Variants in FOXP1 observed in about 807,000 individuals in gnomAD.
The protein encoded by FOXP1 is forkhead box protein P1.
Under a neutral mutation model 98.2 loss-of-function variants are expected in FOXP1, and 15 were observed. The ratio of observed to expected loss-of-function variants is 0.15; its 90% CI spans 0.10 to 0.24. FOXP1 has a LOEUF of 0.24. Among genes scored for constraint, FOXP1 ranks in the 10% least tolerant of loss-of-function variants. The probability of loss-of-function intolerance (pLI) is 1.00; values close to 1 mark genes in which losing one functional copy is unlikely to be tolerated. For synonymous variants in FOXP1, 371 were observed against 314.5 expected (o/e 1.18, Z -1.90); for missense variants, 633 against 848.5 (o/e 0.75, Z 3.15).
intron 3 of FOXP1, among the ~76,000 whole-genome samples, chr3:71,437,844 A>G (rs2085509032): frequency 6.6e-6 from 1 of 152,208 alleles, no homozygotes. Context: ...AGCTGCCTCA[A>G]GAGGACAGGG....
At chr3:71,244,773 CA>C (rs1417558792) in intron 5 of FOXP1, 1 of 151,826 alleles carries the variant, frequency 6.6e-6, no homozygotes, top group African/African-American at 2.4e-5. Flanking sequence ...AAGACCTCCG[CA>C]ATATTTCTTT....
At chr3:71,554,149 A>G (rs2045959794) in intron 2 of FOXP1, among the ~76,000 whole-genome samples, 1 of 152,142 alleles carries the variant, frequency 6.6e-6, no homozygotes, top group Admixed American at 6.5e-5. Flanking sequence ...AGAGTTCAAA[A>G]TCAACCTGGG....
intron 3 of FOXP1, among the ~76,000 whole-genome samples, chr3:71,380,445 A>G (rs759729055): frequency 6.6e-6 from 1 of 152,232 alleles, no homozygotes; most frequent in Admixed American, 6.5e-5. Flanking sequence ...AGCCTAGGCC[A>G]AAGGCTTCCC....
At chr3:71,177,827 C>A (rs368413945) in intron 6 of FOXP1, among the ~76,000 whole-genome samples, 5 of 127,984 alleles carry the variant, frequency 3.9e-5, no homozygotes, top group African/African-American at 9.2e-5. Context: ...AGTTTATTTT[C>A]TTTTCTTTCT....
chr3:71,018,775 AG>A (rs1194407765), intron 11 of FOXP1, among the ~76,000 whole-genome samples: 1 of 152,232 alleles, frequency 6.6e-6, no homozygotes, highest in Non-Finnish European at 1.5e-5. Context: ...AGTCAGGAGT[AG>A]CAGGGAAACT....
At chr3:71,049,994 C>A (rs573670360) in intron 9 of FOXP1, among the ~76,000 whole-genome samples, 1 of 152,302 alleles carries the variant, frequency 6.6e-6, no homozygotes, top group Admixed American at 6.5e-5. Flanking sequence ...TCCTGGGTCA[C>A]CTTTGCCTGG....
intron 11 of FOXP1, among the ~76,000 whole-genome samples, chr3:71,032,778 T>C (rs1392874360): frequency 2.6e-5 from 4 of 151,928 alleles, no homozygotes; most frequent in Non-Finnish European, 4.4e-5. Flanking sequence ...CCAGCATAGG[T>C]CCCCCCTTCA....
intron 3 of FOXP1, 129 bp from the exon 4 acceptor site, chr3:71,359,373 T>C (rs2078391722): frequency 6.6e-6 from 1 of 152,226 alleles, no homozygotes; most frequent in African/African-American, 2.4e-5. Context: ...TATAATCATG[T>C]ATCTAAGCAT....
intron 4 of FOXP1, among the ~76,000 whole-genome samples, chr3:71,331,766 T>C (rs2076330774): frequency 6.6e-6 from 1 of 152,136 alleles, no homozygotes; most frequent in Admixed American, 6.5e-5. Flanking sequence ...AGCTAAGGGA[T>C]TGTAAATACG....
At chr3:70,970,848 ACTG>A (rs2036075549) in intron 18 of FOXP1, 43 bp from the exon 19 acceptor site, 1 of 1,443,160 alleles carries the variant, frequency 6.9e-7, no homozygotes, top group Admixed American at 1.7e-5. Flanking sequence ...AACACAGTCG[ACTG>A]CTGAGTTCCT....
chr3:71,471,175 C>T (rs2089305273), intron 3 of FOXP1, among the ~76,000 whole-genome samples: 1 of 152,074 alleles, frequency 6.6e-6, no homozygotes, highest in African/African-American at 2.4e-5. Flanking sequence ...ATGGTCTGTG[C>T]TCTTATGAGG....
rs138422366 is a variant in FOXP1, at chr3:71,460,050, G to C, written c.-168+33376C>G. 7.7e-3 allele frequency among the ~76,000 whole-genome samples: 1,140 copies of C among 147,998 alleles called. 17 individuals are homozygous for C. The highest frequency in any genetic ancestry group is 0.027 in the African/African-American group (1,097 of 40,186). Reference sequence around the variant, plus strand: ...CCGGGTTCACGCCATTTTCCTGCCTGAGCCTCCCAAGTAGCTGGGACTACA... The same window carrying C: ...CCGGGTTCACGCCATTTTCCTGCCTCAGCCTCCCAAGTAGCTGGGACTACA... On this transcript the variant is annotated intron_variant, in intron 3 of 20. Coordinates refer to ENST00000649528, the MANE Select transcript of FOXP1 (RefSeq NM_001349338.3).
rs78372134 is a variant in FOXP1, at chr3:71,067,476, A to G, written c.283-13703T>C. Among the ~76,000 whole-genome samples, 904 of 152,324 alleles carry G rather than the reference A, an allele frequency of 5.9e-3. 6 individuals are homozygous for G. Among genetic ancestry groups the G allele is most frequent in the African/African-American group, 0.019 (770 of 41,558 alleles). On this transcript the variant is annotated intron_variant, in intron 7 of 20. Coordinates refer to ENST00000649528, the MANE Select transcript of FOXP1 (RefSeq NM_001349338.3). ...TAGAAAAGCTGAATAAGAAAGGCCA[A>G]CAAAAAAATTTTGGATTGTGGGTGT...
At chr3:71,073,859 C>A (rs1488737619) in intron 7 of FOXP1, among the ~76,000 whole-genome samples, 1 of 152,160 alleles carries the variant, frequency 6.6e-6, no homozygotes, top group South Asian at 2.1e-4. Context: ...AGGGCTCAGT[C>A]TCTTGCATTA....
At chr3:71,498,705 T>C (rs1319898353) in intron 2 of FOXP1, among the ~76,000 whole-genome samples, 1 of 152,176 alleles carries the variant, frequency 6.6e-6, no homozygotes, top group African/African-American at 2.4e-5. Context: ...ACTGACATCA[T>C]ATGCTGAGCC....
At chr3:71,219,425 T>A (rs985950639) in intron 5 of FOXP1, among the ~76,000 whole-genome samples, 1 of 152,242 alleles carries the variant, frequency 6.6e-6, no homozygotes, top group African/African-American at 2.4e-5. Flanking sequence ...GTGATTTTCA[T>A]GAAAGTTTAT....
intron 12 of FOXP1, among the ~76,000 whole-genome samples, chr3:71,001,382 G>A (rs1355244588): frequency 4.6e-5 from 7 of 152,156 alleles, no homozygotes; most frequent in Admixed American, 4.6e-4. Context: ...TCAGAGACAG[G>A]GCCTGCTAGG....
intron 7 of FOXP1, among the ~76,000 whole-genome samples, chr3:71,109,489 T>A (rs1226179406): frequency 6.6e-6 from 1 of 151,878 alleles, no homozygotes; most frequent in Admixed American, 6.6e-5. Flanking sequence ...AGCCTTCCTC[T>A]ATGCAGAAGA....
chr3:71,329,396 T>C (rs373064376), intron 4 of FOXP1, among the ~76,000 whole-genome samples: 4 of 152,026 alleles, frequency 2.6e-5, no homozygotes, highest in African/African-American at 7.2e-5. Context: ...AATTTTTTTG[T>C]ATTTTTAGTA....
Sources: allele counts gnomAD v4.1 joint callset (sites outside exome capture counted in the v4.1 genomes callset), GRCh38; gene constraint gnomAD v4.1.1; transcripts MANE v1.5; gene names NCBI Gene and HGNC (gene_info 2026-07-23, HGNC 2026-07-21).